Variants in KSR1 observed in about 807,000 individuals in gnomAD.
The protein encoded by KSR1 is kinase suppressor of ras.
Under a neutral mutation model 92.9 loss-of-function variants are expected in KSR1, and 35 were observed. That is an observed-to-expected ratio of 0.38 (90% confidence interval 0.29 to 0.50). The LOEUF is 0.50. Among genes scored for constraint, KSR1 ranks in the 20% least tolerant of loss-of-function variants. The pLI, the probability that KSR1 is intolerant of heterozygous loss-of-function variation, is 0.94. For synonymous variants in KSR1, 467 were observed against 472.6 expected (o/e 0.99, Z 0.15); for missense variants, 972 against 1,158.5 (o/e 0.84, Z 2.34).
Position 27,577,951 on chromosome 17 carries a change from G to A in KSR1, c.520+312G>A. The A allele has an allele frequency of 2.1e-6, 1 of 470,894 alleles. No individual in the cohort carries two copies. Among genetic ancestry groups the A allele is most frequent in the East Asian group, 4.2e-5 (1 of 23,684 alleles). 29.2% of individuals were successfully genotyped at this position (470,894 alleles called of 1,614,324 possible). On this transcript the variant is annotated intron_variant, in intron 3 of 20. Transcript: ENST00000644974. This position sits in a 1 kb window ranked among gnomAD's most constrained non-coding sequence, Gnocchi z 4.5. ...TGAGGGCTCTGTGTACCCTCTGCCAGCTTCCCACATTCCAGCCCCCAGCCC... is the reference window on the plus strand; with the variant it reads ...TGAGGGCTCTGTGTACCCTCTGCCAACTTCCCACATTCCAGCCCCCAGCCC...
chr17:27,574,490 C>T (rs2072429751), intron 2 of KSR1, among the ~76,000 whole-genome samples: 2 of 152,174 alleles, frequency 1.3e-5, no homozygotes, highest in African/African-American at 4.8e-5. Context: ...TTCTTGCCTA[C>T]AGCCCTGAAG....
At chr17:27,619,857 T>C (rs974726440) in intron 19 of KSR1, among the ~76,000 whole-genome samples, 1 of 152,094 alleles carries the variant, frequency 6.6e-6, no homozygotes, top group South Asian at 2.1e-4. Flanking sequence ...GGATTATAGG[T>C]GCCTGCCACC....
At chr17:27,536,462 T>C (rs562318589) in intron 1 of KSR1, among the ~76,000 whole-genome samples, 3 of 152,370 alleles carry the variant, frequency 2.0e-5, no homozygotes, top group African/African-American at 7.2e-5. Flanking sequence ...GTTTGCTGAA[T>C]TGCAGTGCTT....
chr17:27,603,279 A>C (rs1410598734), intron 11 of KSR1, among the ~76,000 whole-genome samples: 3 of 152,226 alleles, frequency 2.0e-5, no homozygotes, highest in Non-Finnish European at 4.4e-5. Flanking sequence ...CCAGTGACCC[A>C]TACCTGAAGC....
At chr17:27,542,720 G>A (rs1042053484) in intron 1 of KSR1, among the ~76,000 whole-genome samples, 7 of 152,322 alleles carry the variant, frequency 4.6e-5, no homozygotes, top group African/African-American at 1.7e-4. Flanking sequence ...CATTCTGCAG[G>A]CTGAGCAGGA....
At chr17:27,552,318 T>C (rs539679266) in intron 2 of KSR1, among the ~76,000 whole-genome samples, 4 of 152,166 alleles carry the variant, frequency 2.6e-5, no homozygotes, top group African/African-American at 7.2e-5. Context: ...AAAATCCCCA[T>C]TGAGTGTCGG....
chr17:27,502,523 C>T (rs1328325795), intron 1 of KSR1, among the ~76,000 whole-genome samples: 1 of 152,262 alleles, frequency 6.6e-6, no homozygotes. Context: ...TCCTTCCATT[C>T]TCTAGCCCTT....
chr17:27,512,728 A>C (rs1376215400), intron 1 of KSR1, among the ~76,000 whole-genome samples: 1 of 152,210 alleles, frequency 6.6e-6, no homozygotes, highest in African/African-American at 2.4e-5. Flanking sequence ...GTCTCCAAAC[A>C]AACAAAAAGA....
At position 27,617,350 on chromosome 17, in the gene KSR1, T is replaced by A; in HGVS notation, c.2549T>A (p.Leu850Gln). Residue 850 changes from leucine (L) to glutamine (Q), a missense_variant, in exon 19 of 21, where the codon CTG becomes CAG. By Grantham distance (113) the Leu-to-Gln change is moderately radical. Transcript: ENST00000644974. ...FDLQERPSFS[L>Q]LMDMLEKLPK... ...CTGCAGGAGAGACCCAGCTTCAGCCTGCTGATGGACATGCTGGAGAAACTT... is the reference window on the plus strand; with the variant it reads ...CTGCAGGAGAGACCCAGCTTCAGCCAGCTGATGGACATGCTGGAGAAACTT... 1 of 1,612,830 alleles carries A rather than the reference T, an allele frequency of 6.2e-7. No homozygotes were observed. The highest frequency in any genetic ancestry group is 1.3e-5 in the African/African-American group (1 of 74,984).
intron 9 of KSR1, among the ~76,000 whole-genome samples, 151 bp downstream of exon 9, chr17:27,592,777 G>A (rs962183799): frequency 9.2e-5 from 14 of 152,186 alleles, no homozygotes; most frequent in African/African-American, 3.1e-4. Flanking sequence ...ATCATATCTT[G>A]AGCCACTAGG....
In KSR1 at chr17:27,481,631, G is replaced by T. The variant is rs368881986; in HGVS notation, c.231+24757G>T. 5.3e-5 allele frequency among the ~76,000 whole-genome samples: 8 copies of T among 152,258 alleles called. No homozygotes were observed. In the South Asian group the frequency reaches 1.7e-3, roughly 32 times the overall value. ...GCCAGCATGATGAGTGGGGCCACCTGCACTTATATAGCTATCTCCATGCCA... is the reference window on the plus strand; with the variant it reads ...GCCAGCATGATGAGTGGGGCCACCTTCACTTATATAGCTATCTCCATGCCA... On this transcript the variant is annotated intron_variant, in intron 1 of 20. Transcript: ENST00000644974.
intron 1 of KSR1, among the ~76,000 whole-genome samples, chr17:27,469,835 T>A (rs1225827859): frequency 6.6e-6 from 1 of 152,188 alleles, no homozygotes; most frequent in Non-Finnish European, 1.5e-5. Flanking sequence ...ATTTTCCGTG[T>A]TATTGGACAT....
chr17:27,581,183 C>T (rs1364388603), intron 3 of KSR1, among the ~76,000 whole-genome samples: 2 of 151,916 alleles, frequency 1.3e-5, no homozygotes, highest in African/African-American at 2.4e-5. Context: ...AAAGCAAGAG[C>T]GAGAGGGGGC....
intron 1 of KSR1, among the ~76,000 whole-genome samples, chr17:27,477,615 T>C (rs2150935354): frequency 6.6e-6 from 1 of 152,286 alleles, no homozygotes; most frequent in Admixed American, 6.5e-5. Flanking sequence ...TATAGACCCC[T>C]GTCTGCCTCC....
At chr17:27,603,581 C>T (rs2073642318) in intron 11 of KSR1, among the ~76,000 whole-genome samples, 1 of 152,006 alleles carries the variant, frequency 6.6e-6, no homozygotes, top group South Asian at 2.1e-4. Context: ...CCCAGATCCC[C>T]TGCCCAGAGC....
chr17:27,523,135 T>A (rs1051921624), intron 1 of KSR1, among the ~76,000 whole-genome samples: 12 of 152,162 alleles, frequency 7.9e-5, no homozygotes, highest in Admixed American at 4.6e-4. Context: ...TTGTCTGTAC[T>A]GGAAAAACTA....
chr17:27,488,593 A>T (rs1390614879), intron 1 of KSR1, among the ~76,000 whole-genome samples: 1 of 152,180 alleles, frequency 6.6e-6, no homozygotes, highest in Non-Finnish European at 1.5e-5. Context: ...GCACTTTGGG[A>T]GGCCAAGACA....
chr17:27,531,167 C>T (rs960732448), intron 1 of KSR1, among the ~76,000 whole-genome samples: 10 of 152,224 alleles, frequency 6.6e-5, no homozygotes, highest in Non-Finnish European at 1.5e-4. Flanking sequence ...ATTCGCCTCT[C>T]GGTTTGTGTT....
chr17:27,543,114 A>C (rs2071028309), intron 1 of KSR1, among the ~76,000 whole-genome samples: 1 of 152,142 alleles, frequency 6.6e-6, no homozygotes, highest in Admixed American at 6.5e-5. Flanking sequence ...CCCTGTCCAC[A>C]CACCCTGTGG....
Sources: gnomAD v4.1 joint callset for allele counts (sites outside exome capture counted in the v4.1 genomes callset) on GRCh38, gnomAD v4.1.1 for gene constraint, Gnocchi (gnomAD v3.1) non-coding constraint, MANE v1.5 for transcripts, NCBI Gene and HGNC (gene_info 2026-07-23, HGNC 2026-07-21) for gene names.